Variants in ZNF804B observed in about 807,000 individuals in gnomAD.
The protein encoded by ZNF804B is zinc finger 804B.
Under a neutral mutation model 101.4 loss-of-function variants are expected in ZNF804B, and 80 were observed. That is an observed-to-expected ratio of 0.79 (90% CI 0.66 to 0.95). The LOEUF (loss-of-function observed/expected upper bound fraction) is 0.95. Among genes scored for constraint, ZNF804B ranks in the 40% least tolerant of loss-of-function variants. The pLI is 0.00. For synonymous variants in ZNF804B, 622 were observed against 558.8 expected (o/e 1.11, Z -1.59); for missense variants, 1,673 against 1,561.9 (o/e 1.07, Z -1.20).
intron 1 of ZNF804B, among the ~76,000 whole-genome samples, chr7:89,155,705 G>A (rs556833754): frequency 6.6e-6 from 1 of 152,238 alleles, no homozygotes; most frequent in South Asian, 2.1e-4. Context: ...ATTCTTACCA[G>A]TTTTCGGAAG....
intron 2 of ZNF804B, among the ~76,000 whole-genome samples, chr7:89,285,004 G>T (rs1790160043): frequency 6.6e-6 from 1 of 151,802 alleles, no homozygotes. Flanking sequence ...AGCAAGGTTA[G>T]TCTGAGTAAT....
At chr7:88,802,079 T>C (rs1790600595) in intron 1 of ZNF804B, among the ~76,000 whole-genome samples, 1 of 152,038 alleles carries the variant, frequency 6.6e-6, no homozygotes, top group Non-Finnish European at 1.5e-5. Context: ...ATCTGATGGC[T>C]TTAAAAATGG....
intron 1 of ZNF804B, among the ~76,000 whole-genome samples, chr7:88,977,708 T>C (rs1793635594): frequency 6.6e-6 from 1 of 151,622 alleles, no homozygotes; most frequent in Non-Finnish European, 1.5e-5. Context: ...TCTGTTGTTT[T>C]CTTTTTTCAT....
chr7:88,795,012 A>AATAT, intron 1 of ZNF804B: 1 of 1,313,166 alleles, frequency 7.6e-7, no homozygotes, highest in Non-Finnish European at 1.0e-6. Flanking sequence ...CTGCCAGGGT[A>AATAT]CCTCTTTACT....
chr7:89,078,778 G>A (rs1205914830), intron 1 of ZNF804B, among the ~76,000 whole-genome samples: 2 of 151,704 alleles, frequency 1.3e-5, no homozygotes, highest in Non-Finnish European at 2.9e-5. Flanking sequence ...GAAGGAATTA[G>A]GGAGTCTGAG....
chr7:89,150,211 A>C (rs1164668685), intron 1 of ZNF804B, among the ~76,000 whole-genome samples: 1 of 151,972 alleles, frequency 6.6e-6, no homozygotes, highest in Non-Finnish European at 1.5e-5. Flanking sequence ...CTAGGTTACT[A>C]GATTGAAAAA....
intron 1 of ZNF804B, among the ~76,000 whole-genome samples, chr7:89,036,570 G>T (rs1303163360): frequency 6.6e-6 from 1 of 152,016 alleles, no homozygotes; most frequent in Non-Finnish European, 1.5e-5. Context: ...AAAGACAAAT[G>T]ATTGTATTTT....
At chr7:88,912,117 T>A (rs1484428444) in intron 1 of ZNF804B, among the ~76,000 whole-genome samples, 2 of 151,988 alleles carry the variant, frequency 1.3e-5, no homozygotes, top group Non-Finnish European at 2.9e-5. Flanking sequence ...CCAAAGTAAT[T>A]GTACTATTTT....
At chr7:88,987,115 T>C (rs1793769509) in intron 1 of ZNF804B, among the ~76,000 whole-genome samples, 1 of 152,112 alleles carries the variant, frequency 6.6e-6, no homozygotes. Context: ...ATTATTACAA[T>C]TGCATGAAAT....
At chr7:89,261,877 T>C (rs17616755) in intron 2 of ZNF804B, among the ~76,000 whole-genome samples, 9,688 of 152,266 alleles carry the variant, frequency 0.064, 349 homozygotes, top group South Asian at 0.11. Context: ...TGCCTGACTT[T>C]ATTTTCCATG....
chr7:88,924,376 G>T (rs981657705), intron 1 of ZNF804B, among the ~76,000 whole-genome samples: 1 of 152,030 alleles, frequency 6.6e-6, no homozygotes, highest in Non-Finnish European at 1.5e-5. Flanking sequence ...GTTTCCCTGT[G>T]TCTGATTTTC....
At chr7:89,053,921 G>A (rs1378542925) in intron 1 of ZNF804B, among the ~76,000 whole-genome samples, 1 of 152,032 alleles carries the variant, frequency 6.6e-6, no homozygotes, top group South Asian at 2.1e-4. Flanking sequence ...GAGAATATAG[G>A]TAACAGGTTT....
intron 1 of ZNF804B, among the ~76,000 whole-genome samples, chr7:88,874,300 T>A (rs1359698173): frequency 6.6e-6 from 1 of 152,034 alleles, no homozygotes; most frequent in Non-Finnish European, 1.5e-5. Flanking sequence ...AGAATGCTTT[T>A]GATTTTTGTA....
chr7:89,135,605 C>CA (rs1359194250), intron 1 of ZNF804B, among the ~76,000 whole-genome samples: 48 of 149,138 alleles, frequency 3.2e-4, no homozygotes, highest in Admixed American at 6.8e-4. Flanking sequence ...TGTGTACATA[C>CA]TCTTACATCT....
At chr7:88,974,111 G>A (rs1470386089) in intron 1 of ZNF804B, among the ~76,000 whole-genome samples, 2 of 151,258 alleles carry the variant, frequency 1.3e-5, no homozygotes, top group Non-Finnish European at 3.0e-5. Flanking sequence ...AGGGATTCCC[G>A]AAGTGGCAGA....
At chr7:88,925,462 A>C (rs1429083726) in intron 1 of ZNF804B, among the ~76,000 whole-genome samples, 2 of 152,162 alleles carry the variant, frequency 1.3e-5, no homozygotes, top group African/African-American at 2.4e-5. Context: ...TGTACTTATA[A>C]AAATAGAAAA....
chr7:89,297,095 T>G (rs13227166), intron 2 of ZNF804B, among the ~76,000 whole-genome samples: 6,151 of 152,106 alleles, frequency 0.04, 179 homozygotes, highest in East Asian at 0.12. Flanking sequence ...CATATAAAAC[T>G]ATCTTAATTA....
At chr7:89,233,271 A>T (rs1789227177) in intron 2 of ZNF804B, among the ~76,000 whole-genome samples, 1 of 152,140 alleles carries the variant, frequency 6.6e-6, no homozygotes, top group South Asian at 2.1e-4. Context: ...CCAAACCTGA[A>T]CCCTTAGAGT....
At chr7:89,196,485 G>A (rs1009584112) in intron 1 of ZNF804B, among the ~76,000 whole-genome samples, 1 of 152,068 alleles carries the variant, frequency 6.6e-6, no homozygotes, top group Non-Finnish European at 1.5e-5. Flanking sequence ...ACTCGAGATG[G>A]ATTAAAGACT....
Sources: allele counts gnomAD v4.1 joint callset (sites outside exome capture counted in the v4.1 genomes callset), GRCh38; gene constraint gnomAD v4.1.1; transcripts MANE v1.5; gene names NCBI Gene and HGNC (gene_info 2026-07-23, HGNC 2026-07-21).